SON: variants seen among roughly 807,000 people sequenced by gnomAD.
SON encodes protein SON.
In SON, 4 loss-of-function variants were observed where a neutral mutation model predicts 173.3. The ratio of observed to expected loss-of-function variants is 0.02; its 90% CI spans 0.01 to 0.05. The LOEUF is 0.05. SON is among the 10% of genes least tolerant of loss of function. The probability of loss-of-function intolerance (pLI) is 1.00; values close to 1 mark genes in which losing one functional copy is unlikely to be tolerated. For missense variants in SON, 2,626 were observed against 3,055.3 expected, an observed-to-expected ratio of 0.86 and a Z score of 3.31; for synonymous variants, 1,190 against 1,105.9, an observed-to-expected ratio of 1.08 and a Z score of -1.51.
chr21:33,550,005 G>A lies in SON; in HGVS notation c.774G>A (p.Lys258=). Residue 258 remains lysine, a synonymous_variant, in exon 3 of 12, where the codon AAG becomes AAA. Coordinates refer to ENST00000356577, the MANE Select transcript of SON (RefSeq NM_138927.4). Reference sequence around the variant, plus strand: ...TGCCTACTACAACACTGGTGTTGAAGTCATCTGAGCCAGTTGTAACAATGT... The same window carrying A: ...TGCCTACTACAACACTGGTGTTGAAATCATCTGAGCCAGTTGTAACAATGT... The part of the protein sequence containing the change: ...APVPTTTLVL[K]SSEPVVTMSV... 2 of 1,614,178 alleles carry A rather than the reference G, an allele frequency of 1.2e-6. No individual in the cohort carries two copies. The highest frequency in any genetic ancestry group is 1.7e-6 in the Non-Finnish European group (2 of 1,180,042).
Position 33,573,382 on chromosome 21 carries a change from A to G in SON, c.6960A>G (p.Glu2320=), listed in dbSNP as rs868487487. The change falls in exon 9 of 12, where the codon GAA becomes GAG. Residue 2320 remains glutamate (E), a synonymous_variant. Transcript: ENST00000356577. The part of the protein sequence containing the change: ...AVLMRKMGWR[E]GEGLGKNKEG... ...TGATGAGAAAAATGGGCTGGAGAGA[A>G]GGAGAAGGATTAGGAAAAAACAAAG... 1 of 1,613,370 alleles carries G rather than the reference A, an allele frequency of 6.2e-7. No individual in the cohort carries two copies. The highest frequency in any genetic ancestry group is 1.1e-5 in the South Asian group (1 of 91,050).
At position 33,550,835 on chromosome 21, in the gene SON, G is replaced by A. The variant is rs762877288; in HGVS notation, c.1604G>A (p.Gly535Glu). ...PGHPEVTTAT[G>E]LLGQPEATMV... ...CATCCTGAGGTGACAACGGCAACAG[G>A]GTTGCTGGGGCAGCCTGAGGCAACG... The change falls in exon 3 of 12, where the codon GGG becomes GAG. Residue 535 changes from glycine (G) to glutamate (E), a missense_variant. Physicochemically the swap from Gly to Glu is moderately conservative, Grantham distance 98. Coordinates refer to ENST00000356577, the MANE Select transcript of SON (RefSeq NM_138927.4). 1.2e-6 allele frequency: 2 copies of A among 1,613,716 alleles called. No homozygotes were observed. Among genetic ancestry groups the A allele is most frequent in the South Asian group, 2.2e-5 (2 of 91,074 alleles).
Position 33,553,727 on chromosome 21 carries a change from A to C in SON, c.4496A>C (p.Glu1499Ala). The C allele has an allele frequency of 6.2e-7, 1 of 1,614,046 alleles. No homozygotes were observed. ...TCTGGTGATCAAAATCTTGCTCCAGAGATTGGCATGCAGGAGATTGCATTG... is the reference window on the plus strand; with the variant it reads ...TCTGGTGATCAAAATCTTGCTCCAGCGATTGGCATGCAGGAGATTGCATTG... Reference protein sequence around the residue: ...LSSGDQNLAPEIGMQEIALHS... With the variant: ...LSSGDQNLAPAIGMQEIALHS... Residue 1499 changes from glutamate (E) to alanine (A), a missense_variant, in exon 3 of 12, where the codon GAG becomes GCG. Physicochemically the swap from Glu to Ala is moderately radical, Grantham distance 107. Around this residue, in one of 13 missense-constraint regions of SON, gnomAD observed 1,006 missense variants for 895.6 expected, o/e 1.12. Transcript: ENST00000356577.
In SON at chr21:33,551,404, A is replaced by G. The variant is rs766428794; in HGVS notation, c.2173A>G (p.Ile725Val). 3 of 1,614,034 alleles carry G rather than the reference A, an allele frequency of 1.9e-6. No homozygotes were observed. Among genetic ancestry groups the G allele is most frequent in the African/African-American group, 2.7e-5 (2 of 74,892 alleles). ...ILASNTMETH[I>V]LASNTMDSQM... ...AGCTTCTAACACCATGGAGACCCAT[A>G]TATTAGCATCCAACACCATGGACTC... The change falls in exon 3 of 12, where the codon ATA becomes GTA. Residue 725 changes from isoleucine to valine, a missense_variant. By Grantham distance (29) the Ile-to-Val change is conservative. This residue lies in a region of SON where 182 missense variants were observed against 193.6 expected (regional missense o/e 0.94). Coordinates refer to ENST00000356577, the MANE Select transcript of SON (RefSeq NM_138927.4).
rs564682817 is a variant in SON, at chr21:33,569,118, G to A, written c.6885+31G>A. 466 of 1,320,578 alleles carry A rather than the reference G, an allele frequency of 3.5e-4. 7 individuals are homozygous for A. In the South Asian group the frequency reaches 5.2e-3, roughly 15 times the overall value. 81.8% of individuals were successfully genotyped at this position (1,320,578 alleles called of 1,614,324 possible). A position where few individuals can be genotyped will look rare whatever the true frequency, so the allele number is the denominator to read the frequency against. ...CAGTATATGCACATATGAAAGTGTC[G>A]AACAAAAAGTTTAAATTTTTTGGAA... On this transcript the variant is annotated intron_variant, in intron 8 of 11. Coordinates refer to ENST00000356577, the MANE Select transcript of SON (RefSeq NM_138927.4).
At chr21:33,575,699 C>G (rs1601303539) in intron 10 of SON, 32 bp downstream of exon 10, 1 of 1,584,354 alleles carries the variant, frequency 6.3e-7, no homozygotes, top group African/African-American at 1.3e-5. Flanking sequence ...TCCTCTTACC[C>G]TAATCCCACC....
intron 6 of SON, among the ~76,000 whole-genome samples, chr21:33,561,957 T>C (rs894721443): frequency 1.3e-5 from 2 of 152,156 alleles, no homozygotes; most frequent in Non-Finnish European, 2.9e-5. Flanking sequence ...CTATTTGATA[T>C]AAAACCTCTT....
At chr21:33,556,127 G>A (rs971321013) in intron 3 of SON, among the ~76,000 whole-genome samples, 3 of 152,176 alleles carry the variant, frequency 2.0e-5, no homozygotes, top group African/African-American at 2.4e-5. Context: ...GGCCAGGATT[G>A]TCTAAAGAAG....
Position 33,550,079 on chromosome 21 carries a change from C to T in SON, c.848C>T (p.Ser283Phe). 1.2e-6 allele frequency: 2 copies of T among 1,614,140 alleles called. No individual in the cohort carries two copies. Among genetic ancestry groups the T allele is most frequent in the Middle Eastern group, 1.6e-4 (1 of 6,062 alleles). Residue 283 changes from serine (S) to phenylalanine (F), a missense_variant, in exon 3 of 12, where the codon TCT becomes TTT. Around this residue, in one of 13 missense-constraint regions of SON, gnomAD observed 757 missense variants for 730.1 expected, o/e 1.04. Transcript: ENST00000356577. Reference sequence around the variant, plus strand: ...GTGCTGAAATCTGTGGAGAGCACATCTCCAGAGCCATCAAAGATCATGTTG... The same window carrying T: ...GTGCTGAAATCTGTGGAGAGCACATTTCCAGAGCCATCAAAGATCATGTTG... ...KSVLKSVEST[S>F]PEPSKIMLVE...
chr21:33,569,323 T>C, intron 8 of SON: 1 of 447,916 alleles, frequency 2.2e-6, no homozygotes, highest in South Asian at 2.7e-5. Flanking sequence ...AAATTGTTAC[T>C]GCTGCTTTTG....
Position 33,549,792 on chromosome 21 carries a change from A to G in SON, c.561A>G (p.Leu187=), listed in dbSNP as rs769487039. 4 of 1,614,190 alleles carry G rather than the reference A, an allele frequency of 2.5e-6. No individual in the cohort carries two copies. In the South Asian group the frequency reaches 3.3e-5, roughly 13 times the overall value. Reference sequence around the variant, plus strand: ...CCAATGAATCCCCTGCAGTTGTGCTAGAACCTCCTGTAGTATCAATGGAGG... The same window carrying G: ...CCAATGAATCCCCTGCAGTTGTGCTGGAACCTCCTGTAGTATCAATGGAGG... ...SETNESPAVV[L]EPPVVSMEVS... The change falls in exon 3 of 12, where the codon CTA becomes CTG. Residue 187 remains leucine, a synonymous_variant. Coordinates refer to ENST00000356577, the MANE Select transcript of SON (RefSeq NM_138927.4).
In SON at chr21:33,551,971, T is replaced by C; in HGVS notation, c.2740T>C (p.Tyr914His). The C allele has an allele frequency of 6.2e-7, 1 of 1,613,938 alleles. No individual in the cohort carries two copies. Among genetic ancestry groups the C allele is most frequent in the Non-Finnish European group, 8.5e-7 (1 of 1,179,818 alleles). ...AMLGSKSPDP[Y>H]RLAQDPYRLA... ...GTTGGGTTCAAAATCTCCTGATCCC[T>C]ATAGGTTAGCTCAGGATCCTTACAG... is the stretch of plus-strand genomic sequence containing the variant. The change falls in exon 3 of 12, where the codon TAT (tyrosine) becomes CAT (histidine). Residue 914 changes from tyrosine to histidine, a missense_variant. Transcript: ENST00000356577.
chr21:33,575,833 A>C lies in SON; in HGVS notation c.7161A>C (p.Pro2387=). Residue 2387 remains proline, a synonymous_variant, in exon 11 of 12, where the codon CCA becomes CCC. Coordinates refer to ENST00000356577, the MANE Select transcript of SON (RefSeq NM_138927.4). ...TCTGTAATAAAAGAAGGTGGCAACCACCTGAATTTCTATTGGTCCATGATA... is the reference window on the plus strand; with the variant it reads ...TCTGTAATAAAAGAAGGTGGCAACCCCCTGAATTTCTATTGGTCCATGATA... ...MEICNKRRWQ[P]PEFLLVHDSG... is the part of the protein sequence containing the mutation. 6.2e-7 allele frequency: 1 copy of C among 1,613,108 alleles called. No homozygotes were observed. Among genetic ancestry groups the C allele is most frequent in the Non-Finnish European group, 8.5e-7 (1 of 1,179,098 alleles).
chr21:33,548,566 T>C (rs181374278), intron 2 of SON, among the ~76,000 whole-genome samples: 43 of 152,358 alleles, frequency 2.8e-4, no homozygotes, highest in African/African-American at 8.9e-4. Context: ...TGAAAGCTTA[T>C]TCTGTGCCAG....
intron 1 of SON, among the ~76,000 whole-genome samples, chr21:33,545,278 A>G (rs577095940): frequency 6.6e-6 from 1 of 152,326 alleles, no homozygotes; most frequent in South Asian, 2.1e-4. Context: ...GATAATTATT[A>G]TAACTATAAT....
intron 8 of SON, 63 bp downstream of exon 8, chr21:33,569,150 T>G: frequency 1.1e-6 from 1 of 945,982 alleles, no homozygotes; most frequent in Non-Finnish European, 1.7e-6. Flanking sequence ...GGAAACTGTT[T>G]ATTAAAACTG....
At chr21:33,543,374 C>T in intron 1 of SON, 2 of 597,820 alleles carry the variant, frequency 3.3e-6, no homozygotes, top group Non-Finnish European at 5.9e-6. Flanking sequence ...TTCGCCTTTT[C>T]CGAGGTAACC....
In SON at chr21:33,553,128, A is replaced by C. The variant is rs763463922; in HGVS notation, c.3897A>C (p.Ala1299=). 6.8e-6 allele frequency: 11 copies of C among 1,614,232 alleles called. No homozygotes were observed. The East Asian group carries it at 8.9e-5, about 13-fold the overall frequency. The change falls in exon 3 of 12, where the codon GCA becomes GCC. Residue 1299 remains alanine, a synonymous_variant. Transcript: ENST00000356577. ...PAMSAEPTVL[A]SEPPVMSETA... ...TGTCAGCTGAACCAACTGTGTTAGC[A>C]TCAGAGCCTCCTGTTATGTCAGAGA...
intron 6 of SON, among the ~76,000 whole-genome samples, chr21:33,563,178 A>G (rs932923886): frequency 2.0e-5 from 3 of 152,072 alleles, no homozygotes; most frequent in African/African-American, 7.2e-5. Context: ...TTTCCTTCCT[A>G]GATTCTCTTA....
Sources: gnomAD v4.1 joint callset for allele counts (sites outside exome capture counted in the v4.1 genomes callset) on GRCh38, gnomAD v4.1.1 for gene constraint, gnomAD v4.1.1 regional missense constraint, MANE v1.5 for transcripts, NCBI Gene and HGNC (gene_info 2026-07-23, HGNC 2026-07-21) for gene names.